The following RNF216 variants were observed in gnomAD, a reference collection of about 807,000 sequenced individuals.
RNF216 encodes ring finger protein 216.
A neutral mutation model predicts 110.8 loss-of-function variants in RNF216; 72 were observed. That is an observed-to-expected ratio of 0.65 (90% CI 0.54 to 0.79). RNF216 has a LOEUF of 0.79. Ranked by LOEUF, RNF216 falls within the 30% of genes least tolerant of loss-of-function variation. The probability of loss-of-function intolerance (pLI) is 0.00; values close to 1 mark genes in which losing one functional copy is unlikely to be tolerated. For missense variants in RNF216, 1,342 were observed against 1,141.2 expected (o/e 1.18, Z -2.54); for synonymous variants, 495 against 407.5 (o/e 1.21, Z -2.59).
chr7:5,641,501 T>A (rs1006082372), intron 14 of RNF216, 125 bp from the exon 15 acceptor site: 1 of 763,334 alleles, frequency 1.3e-6, no homozygotes, highest in Non-Finnish European at 2.1e-6. Context: ...CATTAAACAG[T>A]GAAAAGAGCC....
chr7:5,721,482 G>C (rs908970379), intron 8 of RNF216, among the ~76,000 whole-genome samples: 1 of 152,168 alleles, frequency 6.6e-6, no homozygotes, highest in Admixed American at 6.5e-5. Context: ...GAGGACATTT[G>C]GGTTTGCTGT....
At chr7:5,745,781 T>C (rs531643147) in intron 3 of RNF216, among the ~76,000 whole-genome samples, 1 of 150,908 alleles carries the variant, frequency 6.6e-6, no homozygotes, top group South Asian at 2.1e-4. Flanking sequence ...ACACCTGTAA[T>C]CCCAGCTACT....
chr7:5,758,130 T>C (rs192780558), intron 2 of RNF216, among the ~76,000 whole-genome samples: 94 of 152,368 alleles, frequency 6.2e-4, no homozygotes, highest in African/African-American at 2.2e-3. Context: ...CCAAAATGAA[T>C]TAGTTGTTCT....
At position 5,649,015 on chromosome 7, in the gene RNF216, G is replaced by A. The variant is rs79604920; in HGVS notation, c.2159+3398C>T. ...GGTAAGTGCTATATAAGAAAAAAAG[G>A]TTTTATGGGTGAAATGACATGCTGT... On this transcript the variant is annotated intron_variant, in intron 14 of 16. Transcript: ENST00000389902. Among the ~76,000 whole-genome samples the A allele has an allele frequency of 3.9e-5, 6 of 152,284 alleles. No individual in the cohort carries two copies. In the East Asian group the frequency reaches 9.7e-4, roughly 25 times the overall value.
intron 13 of RNF216, among the ~76,000 whole-genome samples, chr7:5,663,776 T>C (rs1789317245): frequency 6.6e-6 from 1 of 151,900 alleles, no homozygotes; most frequent in Non-Finnish European, 1.5e-5. Flanking sequence ...CGCACGCCTG[T>C]AGTCCCAGCT....
intron 13 of RNF216, among the ~76,000 whole-genome samples, chr7:5,703,902 G>C (rs1226796467): frequency 6.6e-6 from 1 of 152,186 alleles, no homozygotes; most frequent in East Asian, 1.9e-4. Flanking sequence ...AGGCAGAAAA[G>C]ACTCAACAGT....
At chr7:5,702,048 C>T (rs1018024824) in intron 13 of RNF216, among the ~76,000 whole-genome samples, 3 of 152,098 alleles carry the variant, frequency 2.0e-5, no homozygotes, top group African/African-American at 4.8e-5. Context: ...GGGAGGTCGG[C>T]GACATCTGAG....
At chr7:5,631,881 C>T (rs1048210000) in intron 15 of RNF216, among the ~76,000 whole-genome samples, 3 of 152,226 alleles carry the variant, frequency 2.0e-5, no homozygotes, top group Non-Finnish European at 4.4e-5. Context: ...TCACGCTCTG[C>T]CCCCACGAGG....
intron 13 of RNF216, among the ~76,000 whole-genome samples, chr7:5,663,586 GAAAAAAA>G (rs35905773): frequency 1.2e-5 from 1 of 80,108 alleles, no homozygotes; most frequent in Non-Finnish European, 2.3e-5. Flanking sequence ...TCCACCTCAG[GAAAAAAA>G]AAAAAAAAAA....
chr7:5,647,328 CTTTTTT>C (rs10617479), intron 14 of RNF216, among the ~76,000 whole-genome samples: 14 of 94,802 alleles, frequency 1.5e-4, no homozygotes, highest in South Asian at 1.2e-3. Flanking sequence ...TTCTTTCTTT[CTTTTTT>C]TTTTTTTTTT....
intron 13 of RNF216, among the ~76,000 whole-genome samples, chr7:5,682,844 G>GA (rs1301027107): frequency 6.6e-6 from 1 of 152,080 alleles, no homozygotes; most frequent in Non-Finnish European, 1.5e-5. Context: ...CTACTCTAGG[G>GA]ATCTATTCTA....
At chr7:5,763,351 C>G (rs1796029684) in intron 1 of RNF216, among the ~76,000 whole-genome samples, 1 of 152,094 alleles carries the variant, frequency 6.6e-6, no homozygotes, top group Non-Finnish European at 1.5e-5. Context: ...TCTTTGAGGG[C>G]TAGGAGCGAT....
chr7:5,734,608 C>CTTTCCTCACTGTAAGG (rs201100224), intron 5 of RNF216, among the ~76,000 whole-genome samples: 6,299 of 130,104 alleles, frequency 0.048, 512 homozygotes, highest in African/African-American at 0.14. Flanking sequence ...AAATGGCTTT[C>CTTTCCTCACTGTAAGG]AAGGTTAAAT....
chr7:5,641,352 G>A lies in RNF216; in HGVS notation c.2184C>T (p.Arg728=). 6.8e-6 allele frequency: 11 copies of A among 1,613,664 alleles called. No homozygotes were observed. Among genetic ancestry groups the A allele is most frequent in the Non-Finnish European group, 9.3e-6 (11 of 1,179,718 alleles). ...TSIEEKMTAA[R]IRKCHKCGTG... ...TCCCACACTTGTGGCATTTTCTAAT[G>A]CGGGCAGCAGTCATTTTTTCTTCAC... The change falls in exon 15 of 17, where the codon CGC becomes CGT. Residue 728 remains arginine (R), a synonymous_variant. Coordinates refer to ENST00000389902, the MANE Select transcript of RNF216 (RefSeq NM_207111.4).
chr7:5,697,973 T>C (rs1791732184), intron 13 of RNF216, among the ~76,000 whole-genome samples: 1 of 152,168 alleles, frequency 6.6e-6, no homozygotes, highest in Admixed American at 6.5e-5. Context: ...TATTTCACCC[T>C]CTTTGGGCTA....
At chr7:5,734,548 G>T (rs1794278417) in intron 5 of RNF216, among the ~76,000 whole-genome samples, 2 of 151,326 alleles carry the variant, frequency 1.3e-5, no homozygotes, top group Non-Finnish European at 1.5e-5. Flanking sequence ...ACACAATAAA[G>T]AATATGTGGA....
chr7:5,701,713 G>A (rs987551880), intron 13 of RNF216, among the ~76,000 whole-genome samples: 2 of 152,180 alleles, frequency 1.3e-5, no homozygotes, highest in Admixed American at 6.5e-5. Context: ...GAGCTATACC[G>A]TTTCCCTCAC....
intron 1 of RNF216, among the ~76,000 whole-genome samples, chr7:5,777,062 T>A (rs183612380): frequency 2.9e-4 from 44 of 152,276 alleles, no homozygotes; most frequent in African/African-American, 8.7e-4. Flanking sequence ...AAAGTCTGAA[T>A]ACCCTGCTGA....
Position 5,662,290 on chromosome 7 carries a change from C to G in RNF216, c.2062-9780G>C, listed in dbSNP as rs531668714. The G allele has an allele frequency of 3.9e-5, 6 of 152,302 alleles. No homozygotes were observed. The South Asian group carries it at 1.2e-3, about 32-fold the overall frequency. 9.4% of individuals were successfully genotyped at this position (152,302 alleles called of 1,614,324 possible). A position where few individuals can be genotyped will look rare whatever the true frequency, so the allele number is the denominator to read the frequency against. The stretch of plus-strand genomic sequence containing the variant: ...AGTAGCTGTTCCTGCCACCTTTGGG[C>G]AGTTGCATGTCTGGCGGTATAGCAA... On this transcript the variant is annotated intron_variant, in intron 13 of 16. Transcript: ENST00000389902.
Sources: allele counts gnomAD v4.1 joint callset (sites outside exome capture counted in the v4.1 genomes callset), GRCh38; gene constraint gnomAD v4.1.1; transcripts MANE v1.5; gene names NCBI Gene and HGNC (gene_info 2026-07-23, HGNC 2026-07-21).